Variants in HDAC9 observed in about 807,000 individuals in gnomAD.
The protein encoded by HDAC9 is MEF-2 interacting transcription repressor (MITR) protein.
Under a neutral mutation model 139.4 loss-of-function variants are expected in HDAC9, and 41 were observed. The observed-to-expected ratio is 0.29, with a 90% CI of 0.23 to 0.38. The LOEUF is 0.38. Ranked by LOEUF, HDAC9 falls within the 10% of genes least tolerant of loss-of-function variation. HDAC9 has a pLI of 1.00. For synonymous variants in HDAC9, 517 were observed against 476.2 expected (o/e 1.09, Z -1.12); for missense variants, 1,147 against 1,297.0 (o/e 0.88, Z 1.78).
chr7:18,810,194 G>A (rs911656493), intron 17 of HDAC9, among the ~76,000 whole-genome samples: 1 of 151,794 alleles, frequency 6.6e-6, no homozygotes, highest in African/African-American at 2.4e-5. Context: ...AGGAAATGGA[G>A]AGGTTATGGA....
At chr7:18,323,032 A>C (rs1047269264) in intron 1 of HDAC9, among the ~76,000 whole-genome samples, 1 of 152,098 alleles carries the variant, frequency 6.6e-6, no homozygotes, top group African/African-American at 2.4e-5. Flanking sequence ...AATAATGTCA[A>C]CCTCAAGGAT....
intron 1 of HDAC9, among the ~76,000 whole-genome samples, chr7:18,310,724 C>A (rs1423486049): frequency 1.3e-5 from 2 of 151,778 alleles, no homozygotes; most frequent in African/African-American, 4.8e-5. Flanking sequence ...AGACATCATA[C>A]AGCATTGTTA....
At chr7:18,681,516 A>G (rs1781886880) in intron 12 of HDAC9, among the ~76,000 whole-genome samples, 1 of 152,066 alleles carries the variant, frequency 6.6e-6, no homozygotes, top group East Asian at 1.9e-4. Context: ...ATTTGAAAAT[A>G]TATGCTACAG....
intron 1 of HDAC9, among the ~76,000 whole-genome samples, chr7:18,340,668 G>C (rs73307413): frequency 0.021 from 3,194 of 150,972 alleles, 111 homozygotes; most frequent in African/African-American, 0.073. Context: ...CCCTCCTATT[G>C]TGCTGTCATT....
chr7:18,502,205 A>G (rs1031256708), intron 2 of HDAC9: 3 of 152,246 alleles, frequency 2.0e-5, no homozygotes, highest in African/African-American at 7.2e-5. Flanking sequence ...TTTATGCACG[A>G]CAAACTCCAG....
intron 22 of HDAC9, among the ~76,000 whole-genome samples, chr7:18,930,550 G>A (rs1039425861): frequency 1.3e-5 from 2 of 151,784 alleles, no homozygotes; most frequent in African/African-American, 4.8e-5. Context: ...AGCCACACTC[G>A]GCTGGCATTT....
intron 13 of HDAC9, among the ~76,000 whole-genome samples, chr7:18,748,389 G>A (rs963820532): frequency 4.6e-5 from 7 of 151,994 alleles, no homozygotes; most frequent in Admixed American, 6.6e-5. Flanking sequence ...AATGCCCCAC[G>A]ATATTATAAG....
intron 12 of HDAC9, among the ~76,000 whole-genome samples, chr7:18,723,259 C>T (rs538296582): frequency 4.6e-5 from 7 of 152,160 alleles, no homozygotes; most frequent in African/African-American, 1.7e-4. Context: ...TCATTTAAAA[C>T]TGAAAAATAT....
chr7:18,153,109 T>TTGGTTCAACTCAAAGTG (rs1786905250), intron 1 of HDAC9, among the ~76,000 whole-genome samples: 1 of 152,124 alleles, frequency 6.6e-6, no homozygotes, highest in South Asian at 2.1e-4. Flanking sequence ...TTAGTGAAGG[T>TTGGTTCAACTCAAAGTG]AAGTTCTTTG....
At chr7:18,312,903 T>C (rs1479262659) in intron 1 of HDAC9, among the ~76,000 whole-genome samples, 1 of 152,156 alleles carries the variant, frequency 6.6e-6, no homozygotes, top group Non-Finnish European at 1.5e-5. Context: ...ACTTTGAGGG[T>C]ATATTTCTAG....
At chr7:18,734,150 G>A (rs1786661011) in intron 13 of HDAC9, among the ~76,000 whole-genome samples, 2 of 152,028 alleles carry the variant, frequency 1.3e-5, no homozygotes, top group African/African-American at 2.4e-5. Flanking sequence ...TTCACTTCCT[G>A]TCTCTGAGTC....
intron 11 of HDAC9, among the ~76,000 whole-genome samples, chr7:18,655,873 G>C (rs1790967666): frequency 6.6e-6 from 1 of 152,100 alleles, no homozygotes; most frequent in African/African-American, 2.4e-5. Flanking sequence ...TGAATTGTTT[G>C]ATTGATGTTG....
chr7:18,945,905 T>C (rs1334662461), intron 23 of HDAC9, among the ~76,000 whole-genome samples: 1 of 151,016 alleles, frequency 6.6e-6, no homozygotes. Context: ...GGCGTGGTGG[T>C]GCGCACCTGT....
At chr7:18,658,931 C>G (rs953583612) in intron 11 of HDAC9, among the ~76,000 whole-genome samples, 1 of 142,732 alleles carries the variant, frequency 7.0e-6, no homozygotes, top group African/African-American at 2.6e-5. Flanking sequence ...ACAACAACAA[C>G]TTCTGCTATT....
At chr7:18,448,363 C>T (rs1792488901) in intron 1 of HDAC9, among the ~76,000 whole-genome samples, 1 of 151,992 alleles carries the variant, frequency 6.6e-6, no homozygotes, top group African/African-American at 2.4e-5. Flanking sequence ...ATATTAATAA[C>T]AATAATGCAT....
intron 1 of HDAC9, among the ~76,000 whole-genome samples, chr7:18,471,048 C>G (rs957186666): frequency 6.6e-6 from 1 of 151,356 alleles, no homozygotes; most frequent in African/African-American, 2.4e-5. Flanking sequence ...TGGAGTACAC[C>G]TTTATCAGAT....
intron 24 of HDAC9, among the ~76,000 whole-genome samples, chr7:18,956,939 C>A (rs936669283): frequency 1.3e-5 from 2 of 152,090 alleles, no homozygotes; most frequent in African/African-American, 4.8e-5. Context: ...ATTCTTACTG[C>A]GTTTTAAAGA....
chr7:18,262,104 T>A (rs1445954617), intron 2 of HDAC9, among the ~76,000 whole-genome samples: 1 of 152,238 alleles, frequency 6.6e-6, no homozygotes, highest in African/African-American at 2.4e-5. Flanking sequence ...TCCCTTATTG[T>A]TTCTTTAAAA....
At chr7:18,299,239 C>A (rs1489721538) in intron 1 of HDAC9, among the ~76,000 whole-genome samples, 1 of 128,326 alleles carries the variant, frequency 7.8e-6, no homozygotes, top group African/African-American at 3.0e-5. Flanking sequence ...TTTTTTTTTG[C>A]AACACTGCAT....
Sources: gnomAD v4.1 joint callset for allele counts (sites outside exome capture counted in the v4.1 genomes callset) on GRCh38, gnomAD v4.1.1 for gene constraint, MANE v1.5 for transcripts, NCBI Gene and HGNC (gene_info 2026-07-23, HGNC 2026-07-21) for gene names.